The following LPIN2 variants were observed in gnomAD, a reference collection of about 807,000 sequenced individuals.
LPIN2 encodes lipin 2.
In LPIN2, 55 loss-of-function variants were observed where a neutral mutation model predicts 111.4. The observed-to-expected ratio is 0.49, with a 90% confidence interval of 0.40 to 0.62. The LOEUF is 0.62. Ranked by LOEUF, LPIN2 falls within the 20% of genes least tolerant of loss-of-function variation. The probability of loss-of-function intolerance (pLI) is 0.00; values close to 1 mark genes in which losing one functional copy is unlikely to be tolerated. For missense variants in LPIN2, 992 were observed against 1,112.1 expected (o/e 0.89, Z 1.54); for synonymous variants, 425 against 414.0 (o/e 1.03, Z -0.32).
At position 2,960,123 on chromosome 18, in the gene LPIN2, T is replaced by A. The variant is rs1312534176; in HGVS notation, c.192+526A>T. Among the ~76,000 whole-genome samples the A allele has an allele frequency of 2.0e-5, 3 of 150,776 alleles. No individual in the cohort carries two copies. In the East Asian group the frequency reaches 5.8e-4, roughly 29 times the overall value. ...AGGCGGAGGTTGCAGTGAGCCAAGA[T>A]CACACCGCTGTACTCCAGCCTGGAC... is the stretch of plus-strand genomic sequence containing the variant. On this transcript the variant is annotated intron_variant, in intron 2 of 19. Coordinates refer to ENST00000677752, the MANE Select transcript of LPIN2 (RefSeq NM_001375808.2).
In LPIN2 at chr18:2,920,194, G is replaced by A. The variant is rs143728428; in HGVS notation, c.*99C>T. ...ACCAGCTCCAGAAGCACCCGTCCCC[G>A]CTGGGGAAGGCTGGTATCTGAGGTC... On this transcript the variant is annotated 3_prime_UTR_variant, in exon 20 of 20. Coordinates refer to ENST00000677752, the MANE Select transcript of LPIN2 (RefSeq NM_001375808.2). The A allele has an allele frequency of 8.8e-3, 13,318 of 1,516,972 alleles. 400 individuals are homozygous for A. In the Admixed American group the frequency reaches 0.1, roughly 12 times the overall value. 94.0% of individuals were successfully genotyped at this position (1,516,972 alleles called of 1,614,324 possible).
At chr18:2,968,903 TCAC>T (rs1001583630) in intron 1 of LPIN2, among the ~76,000 whole-genome samples, 1 of 152,146 alleles carries the variant, frequency 6.6e-6, no homozygotes, top group South Asian at 2.1e-4. Context: ...ACTCCAGAAG[TCAC>T]CACAACAAAT....
chr18:3,006,471 A>G (rs980310661), intron 1 of LPIN2, among the ~76,000 whole-genome samples: 6 of 152,150 alleles, frequency 3.9e-5, no homozygotes, highest in African/African-American at 9.7e-5. Context: ...CTGGCAGATC[A>G]CTTGAGCCCA....
At chr18:2,923,690 G>T in intron 16 of LPIN2, 85 bp downstream of exon 16, 1 of 1,097,484 alleles carries the variant, frequency 9.1e-7, no homozygotes, top group Non-Finnish European at 1.4e-6. Context: ...GACTCATGTG[G>T]ACTGAAGACT....
intron 1 of LPIN2, among the ~76,000 whole-genome samples, chr18:3,011,450 C>T (rs2078601121): frequency 6.7e-6 from 1 of 148,638 alleles, no homozygotes; most frequent in Non-Finnish European, 1.5e-5. Context: ...TTTGGGAGGC[C>T]GAGGGGGGCG....
intron 1 of LPIN2, among the ~76,000 whole-genome samples, chr18:3,010,567 C>T (rs8089690): frequency 0.015 from 2,311 of 152,186 alleles, 59 homozygotes; most frequent in African/African-American, 0.053. Context: ...CAATCTGGCA[C>T]GGCAAGTCGG....
At chr18:2,940,457 A>C (rs1355521518) in intron 5 of LPIN2, 148 bp downstream of exon 5, 1 of 606,492 alleles carries the variant, frequency 1.6e-6, no homozygotes, top group East Asian at 2.8e-5. Flanking sequence ...TATTGAGAGA[A>C]AAGATTCATA....
intron 1 of LPIN2, among the ~76,000 whole-genome samples, chr18:2,997,435 T>C (rs1168285178): frequency 1.5e-5 from 1 of 66,504 alleles, no homozygotes; most frequent in African/African-American, 3.6e-5. Flanking sequence ...CAGAGGCTTG[T>C]ATTTTTCTAA....
At chr18:2,956,909 T>A (rs1017305018) in intron 2 of LPIN2, among the ~76,000 whole-genome samples, 1 of 152,226 alleles carries the variant, frequency 6.6e-6, no homozygotes, top group Non-Finnish European at 1.5e-5. Flanking sequence ...TAAAAGAATA[T>A]GCTGTGAACT....
intron 1 of LPIN2, among the ~76,000 whole-genome samples, chr18:2,962,611 T>C (rs1276880296): frequency 6.6e-6 from 1 of 152,218 alleles, no homozygotes; most frequent in Non-Finnish European, 1.5e-5. Flanking sequence ...ATTAAATTCC[T>C]ATTTTGAGGT....
At chr18:2,994,823 AATTGTCTG>A (rs1188409720) in intron 1 of LPIN2, among the ~76,000 whole-genome samples, 3 of 152,104 alleles carry the variant, frequency 2.0e-5, no homozygotes, top group Non-Finnish European at 4.4e-5. Flanking sequence ...GTGTGGGCAA[AATTGTCTG>A]CAGCTGAGAA....
At chr18:2,958,330 G>T (rs954574671) in intron 2 of LPIN2, among the ~76,000 whole-genome samples, 1 of 151,654 alleles carries the variant, frequency 6.6e-6, no homozygotes, top group South Asian at 2.1e-4. Context: ...AAACAATTAC[G>T]TATCAATGGC....
intron 10 of LPIN2, 43 bp downstream of exon 10, chr18:2,929,022 A>C (rs763429712): frequency 4.6e-6 from 6 of 1,292,836 alleles, no homozygotes; most frequent in Non-Finnish European, 6.7e-6. Flanking sequence ...CTTGTAAAAA[A>C]ACTGCAAGAG....
intron 1 of LPIN2, among the ~76,000 whole-genome samples, chr18:2,983,932 T>G (rs906352460): frequency 6.6e-6 from 1 of 152,166 alleles, no homozygotes; most frequent in African/African-American, 2.4e-5. Context: ...AAAAGGCCAT[T>G]CAGGCAAGTT....
chr18:2,938,822 A>G (rs898575384), intron 6 of LPIN2, among the ~76,000 whole-genome samples: 2 of 152,166 alleles, frequency 1.3e-5, no homozygotes, highest in African/African-American at 4.8e-5. Context: ...TTCTTTCATT[A>G]TGAGCTGGAA....
At chr18:2,927,655 G>T (rs1433558156) in intron 12 of LPIN2, 67 bp downstream of exon 12, 4 of 1,559,056 alleles carry the variant, frequency 2.6e-6, no homozygotes, top group Non-Finnish European at 3.5e-6. Flanking sequence ...TGACAAAAAG[G>T]TTTTTTGAAT....
In LPIN2 at chr18:2,920,442, GAGAA is replaced by G. The variant is rs777685987; in HGVS notation, c.2547-9_2547-6del. The G allele has an allele frequency of 6.2e-7, 1 of 1,613,566 alleles. No homozygotes were observed. Among genetic ancestry groups the G allele is most frequent in the South Asian group, 1.1e-5 (1 of 91,082 alleles). ...AGCTCACTCAGCCTGTGATACCTAA[GAGAA>G]AGGTTGGGGAAGAGGCACAGGCTAT... On this transcript the variant is annotated splice_polypyrimidine_tract_variant and splice_region_variant and intron_variant, in intron 19 of 19. Transcript: ENST00000677752.
chr18:2,919,245 C>G lies in LPIN2; in HGVS notation c.*1048G>C, dbSNP rs997973086. Reference sequence around the variant, plus strand: ...GTCTGCTCCATAGGAGCTCCAAGACCCCTCTTTGACGCTGCTTCCACGGGC... The same window carrying G: ...GTCTGCTCCATAGGAGCTCCAAGACGCCTCTTTGACGCTGCTTCCACGGGC... On this transcript the variant is annotated 3_prime_UTR_variant, in exon 20 of 20. Coordinates refer to ENST00000677752, the MANE Select transcript of LPIN2 (RefSeq NM_001375808.2). The G allele has an allele frequency of 1.3e-5, 2 of 152,268 alleles. No homozygotes were observed. Among genetic ancestry groups the G allele is most frequent in the Admixed American group, 1.3e-4 (2 of 15,280 alleles). The allele number at this position is 152,268 out of a possible 1,614,324, so 9.4% of individuals were successfully genotyped here.
In LPIN2 at chr18:2,925,184, A is replaced by G; in HGVS notation, c.1938+40T>C. 6.2e-7 allele frequency: 1 copy of G among 1,613,078 alleles called. No homozygotes were observed. Among genetic ancestry groups the G allele is most frequent in the Non-Finnish European group, 8.5e-7 (1 of 1,179,136 alleles). On this transcript the variant is annotated intron_variant, in intron 14 of 19. Coordinates refer to ENST00000677752, the MANE Select transcript of LPIN2 (RefSeq NM_001375808.2). This position sits in a 1 kb window ranked among gnomAD's most constrained non-coding sequence, Gnocchi z 4.1. ...GTGCATCAAATTAAACCATTACTAA[A>G]ATAAGTCCTACTGGACAACACAGAT...
Sources: gnomAD v4.1 joint callset for allele counts (sites outside exome capture counted in the v4.1 genomes callset) on GRCh38, gnomAD v4.1.1 for gene constraint, Gnocchi (gnomAD v3.1) non-coding constraint, MANE v1.5 for transcripts, NCBI Gene and HGNC (gene_info 2026-07-23, HGNC 2026-07-21) for gene names.